Variants in PIK3CB observed in about 807,000 individuals in gnomAD.
PIK3CB encodes phosphatidylinositol-4,5-bisphosphate 3-kinase catalytic subunit beta.
PIK3CB carries 39 observed loss-of-function variants against 136.8 expected under a neutral mutation model. The observed-to-expected ratio is 0.29, with a 90% CI of 0.22 to 0.37. PIK3CB has a LOEUF of 0.37. Among genes scored for constraint, PIK3CB ranks in the 10% least tolerant of loss-of-function variants. The pLI is 1.00. For missense variants in PIK3CB, 868 were observed against 1,275.4 expected (o/e 0.68, Z 4.87); for synonymous variants, 428 against 436.6 (o/e 0.98, Z 0.25).
Position 138,787,364 on chromosome 3 carries a change from C to CA in PIK3CB, c.-17+9098dup, listed in dbSNP as rs1204151568. Among the ~76,000 whole-genome samples, 491 of 51,818 alleles carry CA rather than the reference C, an allele frequency of 9.5e-3. 1 individual carries two copies. The highest frequency in any genetic ancestry group is 0.065 in the Middle Eastern group (4 of 62). 34.0% of individuals were successfully genotyped at this position (51,818 alleles called of 152,430 possible). A position where few individuals can be genotyped will look rare whatever the true frequency, so the allele number is the denominator to read the frequency against. On this transcript the variant is annotated intron_variant, in intron 2 of 23. Coordinates refer to ENST00000674063, the MANE Select transcript of PIK3CB (RefSeq NM_006219.3). ...CTGGGCGACAGAGCAAGACTCCGCTCAAAAAAAAAAAAAAAAAGAAGCTCC... is the reference window on the plus strand; with the variant it reads ...CTGGGCGACAGAGCAAGACTCCGCTCAAAAAAAAAAAAAAAAAAGAAGCTCC...
chr3:138,693,244 C>T (rs1158990521), intron 14 of PIK3CB, among the ~76,000 whole-genome samples: 4 of 151,982 alleles, frequency 2.6e-5, no homozygotes, highest in African/African-American at 9.7e-5. Flanking sequence ...CAGGTGCGCA[C>T]CTCCACGCCC....
At chr3:138,717,833 C>T (rs1437228764) in intron 8 of PIK3CB, among the ~76,000 whole-genome samples, 1 of 152,162 alleles carries the variant, frequency 6.6e-6, no homozygotes, top group Non-Finnish European at 1.5e-5. Context: ...TAATAGCCTC[C>T]AGCTCCACCC....
chr3:138,655,705 A>G (rs1350560776), intron 23 of PIK3CB, among the ~76,000 whole-genome samples, 179 bp from the exon 24 acceptor site: 2 of 152,148 alleles, frequency 1.3e-5, no homozygotes, highest in Non-Finnish European at 2.9e-5. Flanking sequence ...AGATAATATG[A>G]CTTCTTCCAA....
rs2043141457 is a variant in PIK3CB, at chr3:138,652,776, A to C, written c.*2613T>G. 4.5e-6 allele frequency: 1 copy of C among 224,216 alleles called. No individual in the cohort carries two copies. Among genetic ancestry groups the C allele is most frequent in the Admixed American group, 5.7e-5 (1 of 17,450 alleles). 13.9% of individuals were successfully genotyped at this position (224,216 alleles called of 1,614,324 possible). A position where few individuals can be genotyped will look rare whatever the true frequency, so the allele number is the denominator to read the frequency against. The stretch of plus-strand genomic sequence containing the variant: ...CTGGATTGTTTCTAATACAAAGGAT[A>C]AATGCTTGAGGTAATGGATACCCCA... On this transcript the variant is annotated 3_prime_UTR_variant, in exon 24 of 24. Coordinates refer to ENST00000674063, the MANE Select transcript of PIK3CB (RefSeq NM_006219.3).
At chr3:138,676,651 A>G (rs1362043080) in intron 19 of PIK3CB, among the ~76,000 whole-genome samples, 2 of 152,356 alleles carry the variant, frequency 1.3e-5, no homozygotes, top group African/African-American at 4.8e-5. Context: ...CATCCTTGCA[A>G]AAGAATATTG....
At chr3:138,810,915 G>A (rs537275003) in intron 1 of PIK3CB, among the ~76,000 whole-genome samples, 3 of 150,890 alleles carry the variant, frequency 2.0e-5, no homozygotes, top group Admixed American at 6.6e-5. Context: ...GCGAGACTCC[G>A]TCTCAAAAAA....
intron 1 of PIK3CB, among the ~76,000 whole-genome samples, chr3:138,829,490 TA>T (rs1245758653): frequency 2.0e-5 from 3 of 151,940 alleles, no homozygotes; most frequent in Non-Finnish European, 4.4e-5. Flanking sequence ...ATTTTGGAGA[TA>T]AAATTTAGAG....
chr3:138,788,997 A>AAAC (rs2046018209), intron 2 of PIK3CB, among the ~76,000 whole-genome samples: 5 of 150,090 alleles, frequency 3.3e-5, no homozygotes, highest in African/African-American at 9.9e-5. Flanking sequence ...AAAAAACAAA[A>AAAC]AACAACACCA....
chr3:138,710,108 C>A (rs2044467198), intron 10 of PIK3CB, among the ~76,000 whole-genome samples: 1 of 151,498 alleles, frequency 6.6e-6, no homozygotes, highest in Non-Finnish European at 1.5e-5. Flanking sequence ...AGGCTGAGCC[C>A]AGGAGGGCAA....
intron 8 of PIK3CB, 45 bp from the exon 9 acceptor site, chr3:138,714,764 T>C (rs2044574004): frequency 6.8e-7 from 1 of 1,478,176 alleles, no homozygotes; most frequent in Non-Finnish European, 9.1e-7. Context: ...ATGAATACTG[T>C]ACCACGAAAA....
intron 13 of PIK3CB, among the ~76,000 whole-genome samples, chr3:138,698,102 C>A (rs542901388): frequency 6.6e-6 from 1 of 152,192 alleles, no homozygotes; most frequent in Non-Finnish European, 1.5e-5. Context: ...AGAAGTGAAA[C>A]AATAAATCCA....
At chr3:138,780,837 T>G (rs1030883978) in intron 2 of PIK3CB, among the ~76,000 whole-genome samples, 1 of 151,954 alleles carries the variant, frequency 6.6e-6, no homozygotes, top group African/African-American at 2.4e-5. Flanking sequence ...CCTGACTAAT[T>G]TTGTGGGGTT....
chr3:138,744,392 CAAAAAAAAAAAAAAAAAA>C lies in PIK3CB; in HGVS notation c.398-1629_398-1612del, dbSNP rs60503033. Among the ~76,000 whole-genome samples the C allele has an allele frequency of 1.6e-4, 7 of 45,108 alleles. 1 individual carries two copies. In the South Asian group the frequency reaches 3.4e-3, roughly 22 times the overall value. The allele number at this position is 45,108 out of a possible 152,430, so 29.6% of individuals were successfully genotyped here. ...ACTGGGTGACAGAGCGAGACTCCCC[CAAAAAAAAAAAAAAAAAA>C]AAAAAAAAAAAAGGAAGTGGATCAC... On this transcript the variant is annotated intron_variant, in intron 4 of 23. Transcript: ENST00000674063.
At chr3:138,807,155 C>T (rs1314686185) in intron 1 of PIK3CB, among the ~76,000 whole-genome samples, 1 of 152,196 alleles carries the variant, frequency 6.6e-6, no homozygotes, top group African/African-American at 2.4e-5. Context: ...TTATCCAGGC[C>T]AGGTGCAGTG....
chr3:138,720,879 AAAAAG>A (rs1168168051), intron 8 of PIK3CB, among the ~76,000 whole-genome samples: 2 of 152,178 alleles, frequency 1.3e-5, no homozygotes, highest in East Asian at 1.9e-4. Context: ...TTCAGAAAGA[AAAAAG>A]AAAAGAAAGG....
At chr3:138,751,579 T>C (rs2045473427) in intron 4 of PIK3CB, among the ~76,000 whole-genome samples, 1 of 152,194 alleles carries the variant, frequency 6.6e-6, no homozygotes. Flanking sequence ...AGCTTAAATT[T>C]TCCTTAAGGC....
At chr3:138,687,753 CCA>C (rs1201169310) in intron 16 of PIK3CB, among the ~76,000 whole-genome samples, 2 of 152,138 alleles carry the variant, frequency 1.3e-5, no homozygotes, top group Middle Eastern at 3.2e-3. Flanking sequence ...CTGCATCTGG[CCA>C]CAGTCTACAT....
At chr3:138,658,725 T>C (rs982341876) in intron 21 of PIK3CB, among the ~76,000 whole-genome samples, 1 of 152,242 alleles carries the variant, frequency 6.6e-6, no homozygotes, top group Admixed American at 6.5e-5. Flanking sequence ...CAATATTCAG[T>C]GTTTTTATTT....
chr3:138,760,640 C>T (rs1347997556), intron 2 of PIK3CB, among the ~76,000 whole-genome samples: 2 of 152,158 alleles, frequency 1.3e-5, no homozygotes, highest in Non-Finnish European at 2.9e-5. Context: ...GGCACAGTGG[C>T]CCATGCCTGT....
Sources: allele counts gnomAD v4.1 joint callset (sites outside exome capture counted in the v4.1 genomes callset), GRCh38; gene constraint gnomAD v4.1.1; transcripts MANE v1.5; gene names NCBI Gene and HGNC (gene_info 2026-07-23, HGNC 2026-07-21).